CPNE4: variants seen among roughly 807,000 people sequenced by gnomAD.
The protein encoded by CPNE4 is copine-4.
Under a neutral mutation model 67.9 loss-of-function variants are expected in CPNE4, and 25 were observed. That is an observed-to-expected ratio of 0.37 (90% CI 0.27 to 0.51). The LOEUF is 0.51. Ranked by LOEUF, CPNE4 falls within the 20% of genes least tolerant of loss-of-function variation. The pLI is 0.93. For missense variants in CPNE4, 464 were observed against 690.8 expected (o/e 0.67, Z 3.68); for synonymous variants, 242 against 244.9 (o/e 0.99, Z 0.11).
chr3:132,029,663 C>G (rs2887466), intron 1 of CPNE4, among the ~76,000 whole-genome samples: 1 of 151,986 alleles, frequency 6.6e-6, no homozygotes, highest in Admixed American at 6.5e-5. Flanking sequence ...TAAACCTGAG[C>G]TTTCTAAAGT....
chr3:131,755,206 T>G (rs1040744598), intron 2 of CPNE4, among the ~76,000 whole-genome samples: 1 of 152,076 alleles, frequency 6.6e-6, no homozygotes, highest in African/African-American at 2.4e-5. Context: ...AATTTTTTTT[T>G]TTTTTTGCTA....
At chr3:131,713,085 G>C (rs1411564523) in intron 3 of CPNE4, among the ~76,000 whole-genome samples, 1 of 151,930 alleles carries the variant, frequency 6.6e-6, no homozygotes, top group Non-Finnish European at 1.5e-5. Context: ...CCCTGCACCA[G>C]CCTGGCTTAA....
chr3:131,706,447 G>A (rs2081415400), intron 3 of CPNE4, among the ~76,000 whole-genome samples: 1 of 152,136 alleles, frequency 6.6e-6, no homozygotes, highest in African/African-American at 2.4e-5. Flanking sequence ...ATAAGCTTAC[G>A]TATGAATGAG....
intron 1 of CPNE4, among the ~76,000 whole-genome samples, chr3:131,996,698 T>C (rs563338764): frequency 7.9e-5 from 12 of 152,096 alleles, no homozygotes; most frequent in South Asian, 2.1e-4. Context: ...CATAGGTCTA[T>C]AGTGTCTGTG....
At position 131,620,367 on chromosome 3, in the gene CPNE4, C is replaced by T. The variant is rs1226594768; in HGVS notation, c.682-32785G>A. On this transcript the variant is annotated intron_variant, in intron 7 of 15. Transcript: ENST00000429747. ...TAAGTGTTTAAAGGTTTTAAATTGA[C>T]AAACTAGGCTACGGTAAATCCTTTT... 5 of 707,926 alleles carry T rather than the reference C, an allele frequency of 7.1e-6. No individual in the cohort carries two copies. The Admixed American group carries it at 3.1e-4, about 44-fold the overall frequency. The allele number at this position is 707,926 out of a possible 1,614,324, so 43.9% of individuals were successfully genotyped here. A position where few individuals can be genotyped will look rare whatever the true frequency, so the allele number is the denominator to read the frequency against.
intron 8 of CPNE4, among the ~76,000 whole-genome samples, chr3:131,585,940 C>T (rs1032482935): frequency 1.1e-4 from 16 of 152,102 alleles, no homozygotes; most frequent in Non-Finnish European, 1.9e-4. Context: ...GCAGGTTTTG[C>T]AGGAACTAAG....
chr3:132,034,470 G>T, intron 1 of CPNE4, 97 bp downstream of exon 1: 2 of 399,956 alleles, frequency 5.0e-6, no homozygotes, highest in Non-Finnish European at 6.8e-6. Flanking sequence ...GAGAACCAGT[G>T]CATCTCAAAA....
intron 7 of CPNE4, among the ~76,000 whole-genome samples, chr3:131,641,555 A>C (rs1039887533): frequency 9.2e-5 from 14 of 152,214 alleles, no homozygotes; most frequent in African/African-American, 3.4e-4. Flanking sequence ...ACACTTTTAC[A>C]CTGATAGTGG....
At chr3:131,876,439 G>C (rs1189949229) in intron 2 of CPNE4, among the ~76,000 whole-genome samples, 2 of 151,376 alleles carry the variant, frequency 1.3e-5, no homozygotes, top group African/African-American at 4.8e-5. Flanking sequence ...TCAGGAGATC[G>C]AGACCATCCT....
intron 1 of CPNE4, among the ~76,000 whole-genome samples, chr3:131,942,654 C>T (rs2071435463): frequency 6.6e-6 from 1 of 152,120 alleles, no homozygotes; most frequent in African/African-American, 2.4e-5. Flanking sequence ...CCAATCTCCA[C>T]CCCTAGAAAT....
At chr3:132,034,274 C>A (rs1560822047) in intron 1 of CPNE4, among the ~76,000 whole-genome samples, 1 of 152,150 alleles carries the variant, frequency 6.6e-6, no homozygotes, top group Non-Finnish European at 1.5e-5. Context: ...ATCCCTCACC[C>A]GTGCCATGCT....
intron 2 of CPNE4, among the ~76,000 whole-genome samples, chr3:131,731,063 G>T (rs557780601): frequency 6.6e-6 from 1 of 152,104 alleles, no homozygotes; most frequent in Non-Finnish European, 1.5e-5. Flanking sequence ...TAAACTGAAC[G>T]AGTGATCCAG....
intron 1 of CPNE4, among the ~76,000 whole-genome samples, chr3:131,907,296 T>A (rs1583436647): frequency 6.6e-6 from 1 of 152,116 alleles, no homozygotes; most frequent in Admixed American, 6.6e-5. Flanking sequence ...GACAATGGCT[T>A]CCTCAACCTC....
chr3:131,979,726 G>A (rs971989360), intron 1 of CPNE4, among the ~76,000 whole-genome samples: 2 of 151,724 alleles, frequency 1.3e-5, no homozygotes, highest in African/African-American at 4.8e-5. Context: ...TCATCATGCT[G>A]TTTGTTGCCC....
At chr3:131,891,546 T>C (rs2088114805) in intron 2 of CPNE4, among the ~76,000 whole-genome samples, 1 of 151,958 alleles carries the variant, frequency 6.6e-6, no homozygotes, top group African/African-American at 2.4e-5. Flanking sequence ...TACCCATTAG[T>C]TATTTTTCCT....
intron 7 of CPNE4, among the ~76,000 whole-genome samples, chr3:131,620,243 C>T (rs1440161746): frequency 1.3e-5 from 2 of 152,046 alleles, no homozygotes; most frequent in African/African-American, 2.4e-5. Context: ...TTTCAGAACA[C>T]AAAAATTGCT....
chr3:131,724,067 G>A (rs1191299759), intron 2 of CPNE4, among the ~76,000 whole-genome samples: 1 of 152,078 alleles, frequency 6.6e-6, no homozygotes, highest in African/African-American at 2.4e-5. Context: ...TGTGCCTGAG[G>A]TCACATCTAG....
chr3:131,770,337 T>G (rs1427120077), intron 2 of CPNE4, among the ~76,000 whole-genome samples: 1 of 152,186 alleles, frequency 6.6e-6, no homozygotes, highest in Non-Finnish European at 1.5e-5. Context: ...AATAAAAGCT[T>G]AAGGTTAGAG....
At chr3:131,930,395 G>A (rs773936266) in intron 1 of CPNE4, among the ~76,000 whole-genome samples, 3 of 151,822 alleles carry the variant, frequency 2.0e-5, no homozygotes, top group Non-Finnish European at 4.4e-5. Flanking sequence ...GCAGGGGAAC[G>A]TACACCCTGA....
Sources: allele counts gnomAD v4.1 joint callset (sites outside exome capture counted in the v4.1 genomes callset), GRCh38; gene constraint gnomAD v4.1.1; transcripts MANE v1.5; gene names NCBI Gene and HGNC (gene_info 2026-07-23, HGNC 2026-07-21).